Variants in SNRPA1 observed in about 807,000 individuals in gnomAD.
SNRPA1 encodes U2 small nuclear ribonucleoprotein A'.
Under a neutral mutation model 32.3 loss-of-function variants are expected in SNRPA1, and 5 were observed. The ratio of observed to expected loss-of-function variants is 0.15; its 90% CI spans 0.08 to 0.33. SNRPA1 has a LOEUF of 0.33. Among genes scored for constraint, SNRPA1 ranks in the 10% least tolerant of loss-of-function variants. The pLI, the probability that SNRPA1 is intolerant of heterozygous loss-of-function variation, is 1.00. For synonymous variants in SNRPA1, 111 were observed against 120.1 expected, an observed-to-expected ratio of 0.92 and a Z score of 0.50; for missense variants, 198 against 311.1, an observed-to-expected ratio of 0.64 and a Z score of 2.74.
At chr15:101,284,383 T>G (rs2039431060) in intron 8 of SNRPA1, among the ~76,000 whole-genome samples, 1 of 152,190 alleles carries the variant, frequency 6.6e-6, no homozygotes, top group South Asian at 2.1e-4. Context: ...CGCAAATATA[T>G]ATAGGTAAAA....
chr15:101,290,740 ATT>A lies in SNRPA1; in HGVS notation c.309+1220_309+1221del, dbSNP rs766825971. 6.3e-4 allele frequency among the ~76,000 whole-genome samples: 75 copies of A among 118,520 alleles called. 1 individual carries two copies. The highest frequency in any genetic ancestry group is 1.4e-3 in the African/African-American group (43 of 30,038). 77.8% of individuals were successfully genotyped at this position (118,520 alleles called of 152,430 possible). A position where few individuals can be genotyped will look rare whatever the true frequency, so the allele number is the denominator to read the frequency against. On this transcript the variant is annotated intron_variant, in intron 3 of 8. Transcript: ENST00000254193. ...ACAGATGCACGCTACCACTTTTGGC[ATT>A]TTTTTTTTTTTTTTTTTTGAGACGG...
chr15:101,292,545 A>C (rs1398427819), intron 2 of SNRPA1, among the ~76,000 whole-genome samples: 1 of 152,164 alleles, frequency 6.6e-6, no homozygotes, highest in Non-Finnish European at 1.5e-5. Context: ...AGGGTCAAAA[A>C]AGATCTCAAT....
At chr15:101,283,030 T>C (rs1406669536) in intron 8 of SNRPA1, among the ~76,000 whole-genome samples, 1 of 151,334 alleles carries the variant, frequency 6.6e-6, no homozygotes, top group African/African-American at 2.5e-5. Flanking sequence ...CAAAGAGACG[T>C]GTGCCCGAGG....
chr15:101,284,016 G>A (rs753630932), intron 8 of SNRPA1, among the ~76,000 whole-genome samples: 8 of 152,232 alleles, frequency 5.3e-5, no homozygotes, highest in Non-Finnish European at 7.3e-5. Context: ...TCCCCAAGAC[G>A]GCAGTCTGAG....
rs1281084222 is a variant in SNRPA1, at chr15:101,292,968, G to C, written c.230+57C>G. ...GTAGCACGTGCTACAACTTCTTCAGGAAACACTGCAACATTTACTCTAGGG... is the reference window on the plus strand; with the variant it reads ...GTAGCACGTGCTACAACTTCTTCAGCAAACACTGCAACATTTACTCTAGGG... On this transcript the variant is annotated intron_variant, in intron 2 of 8. Coordinates refer to ENST00000254193, the MANE Select transcript of SNRPA1 (RefSeq NM_003090.4). The C allele has an allele frequency of 4.8e-6, 6 of 1,243,322 alleles. No individual in the cohort carries two copies. The East Asian group carries it at 1.0e-4, about 21-fold the overall frequency. The allele number at this position is 1,243,322 out of a possible 1,614,324, so 77.0% of individuals were successfully genotyped here.
chr15:101,284,990 A>C lies in SNRPA1; in HGVS notation c.686T>G (p.Ile229Ser). The change falls in exon 8 of 9, where the codon ATC becomes AGC. Residue 229 changes from isoleucine (I) to serine (S), a missense_variant. By Grantham distance (142) the Ile-to-Ser change is moderately radical. Transcript: ENST00000254193. The stretch of plus-strand genomic sequence containing the variant: ...ACCTGATCTGCGTTCTCTGCCAGGG[A>C]TCTGACCAGACTGCAGCAACCCCTT... ...RLKGLLQSGQ[I>S]PGRERRSGPT... 6 of 1,613,786 alleles carry C rather than the reference A, an allele frequency of 3.7e-6. No homozygotes were observed. The highest frequency in any genetic ancestry group is 5.1e-6 in the Non-Finnish European group (6 of 1,179,710).
intron 3 of SNRPA1, chr15:101,289,910 C>T (rs867355132): frequency 5.4e-5 from 4 of 74,388 alleles, no homozygotes; most frequent in African/African-American, 2.1e-4. Flanking sequence ...CCACTGCACT[C>T]CAGCCACTCC....
At chr15:101,290,363 T>C (rs2039509290) in intron 3 of SNRPA1, among the ~76,000 whole-genome samples, 2 of 152,284 alleles carry the variant, frequency 1.3e-5, no homozygotes, top group Admixed American at 6.5e-5. Flanking sequence ...ATGAGACACA[T>C]TGCCTATAAA....
At chr15:101,287,837 C>G in intron 3 of SNRPA1, 135 bp from the exon 4 acceptor site, 1 of 706,864 alleles carries the variant, frequency 1.4e-6, no homozygotes, top group Non-Finnish European at 2.5e-6. Context: ...AAGCCCAATA[C>G]TAGCACATCA....
intron 5 of SNRPA1, 34 bp from the exon 6 acceptor site, chr15:101,286,327 T>C (rs1343074801): frequency 1.3e-6 from 2 of 1,585,618 alleles, no homozygotes; most frequent in Non-Finnish European, 8.7e-7. Flanking sequence ...TTAATGGAAA[T>C]AGGAATACCA....
At chr15:101,294,228 C>G (rs1278902127) in intron 1 of SNRPA1, among the ~76,000 whole-genome samples, 1 of 152,230 alleles carries the variant, frequency 6.6e-6, no homozygotes, top group African/African-American at 2.4e-5. Flanking sequence ...AAGAGCGAGA[C>G]TCCATCTCAA....
At chr15:101,290,843 G>A (rs1389696656) in intron 3 of SNRPA1, among the ~76,000 whole-genome samples, 4 of 150,118 alleles carry the variant, frequency 2.7e-5, no homozygotes, top group African/African-American at 9.9e-5. Context: ...CTGGGTTCAA[G>A]CAATCCTCCT....
At chr15:101,281,871 G>A (rs2039399086) in intron 8 of SNRPA1, 89 bp from the exon 9 acceptor site, 7 of 1,215,172 alleles carry the variant, frequency 5.8e-6, no homozygotes, top group Non-Finnish European at 6.1e-6. Flanking sequence ...GCCACTGTTT[G>A]TTACACACTG....
At chr15:101,284,893 G>A (rs1183544116) in intron 8 of SNRPA1, 74 bp downstream of exon 8, 3 of 1,072,806 alleles carry the variant, frequency 2.8e-6, no homozygotes, top group Admixed American at 3.4e-5. Flanking sequence ...CCAGAGTCAT[G>A]GCATCTAAAT....
chr15:101,281,809 A>G (rs907097235), intron 8 of SNRPA1, 27 bp from the exon 9 acceptor site: 2 of 1,610,110 alleles, frequency 1.2e-6, no homozygotes, highest in East Asian at 4.5e-5. Flanking sequence ...AAGCAAAAGT[A>G]GTATCAATTT....
At chr15:101,282,826 A>G (rs761858439) in intron 8 of SNRPA1, among the ~76,000 whole-genome samples, 1 of 152,224 alleles carries the variant, frequency 6.6e-6, no homozygotes, top group Non-Finnish European at 1.5e-5. Context: ...CAGTGGATAC[A>G]AGTTTTCTAA....
chr15:101,294,426 T>G (rs1445923389), intron 1 of SNRPA1, among the ~76,000 whole-genome samples: 1 of 152,188 alleles, frequency 6.6e-6, no homozygotes. Context: ...AAATGCCAAC[T>G]AGCTAGCTGC....
Position 101,287,667 on chromosome 15 carries a change from C to G in SNRPA1, c.345G>C (p.Leu115=), listed in dbSNP as rs777250121. Residue 115 remains leucine, a synonymous_variant, in exon 4 of 9, where the codon CTG becomes CTC. Coordinates refer to ENST00000254193, the MANE Select transcript of SNRPA1 (RefSeq NM_003090.4). ...TGTAATTCCCATACCTTAGGTAAGT[C>G]AGCGATTTGAGAGATGCCAGAGGGT... ...DLDPLASLKS[L]TYLSILRNPV... 7 of 1,613,640 alleles carry G rather than the reference C, an allele frequency of 4.3e-6. No homozygotes were observed. In the South Asian group the frequency reaches 6.6e-5, roughly 15 times the overall value.
chr15:101,294,323 T>C (rs1042686570), intron 1 of SNRPA1, among the ~76,000 whole-genome samples: 6 of 152,198 alleles, frequency 3.9e-5, no homozygotes, highest in African/African-American at 1.4e-4. Flanking sequence ...TCCGAGGCCA[T>C]AGGTCCCCAT....
Sources: allele counts gnomAD v4.1 joint callset (sites outside exome capture counted in the v4.1 genomes callset), GRCh38; gene constraint gnomAD v4.1.1; transcripts MANE v1.5; gene names NCBI Gene and HGNC (gene_info 2026-07-23, HGNC 2026-07-21).